Variants in DMD observed in about 807,000 individuals in gnomAD.
DMD encodes mutant dystrophin.
Under a neutral mutation model 330.1 loss-of-function variants are expected in DMD, and 63 were observed. The observed-to-expected ratio is 0.19, with a 90% confidence interval of 0.16 to 0.24. The LOEUF is 0.24. DMD is among the 10% of genes least tolerant of loss of function. The pLI, the probability that DMD is intolerant of heterozygous loss-of-function variation, is 1.00. For missense variants in DMD, 3,344 were observed against 2,684.1 expected, an observed-to-expected ratio of 1.25 and a Z score of -5.43; for synonymous variants, 1,223 against 959.8, an observed-to-expected ratio of 1.27 and a Z score of -5.07.
At chrX:32,790,619 G>A (rs1203115818) in intron 7 of DMD, among the ~76,000 whole-genome samples, 1 of 111,470 alleles carries the variant, frequency 9.0e-6, no homozygotes, top group Non-Finnish European at 1.9e-5. Context: ...ACCCATGGCT[G>A]CAACTGCTGG....
rs189823459 is a variant in DMD, at chrX:31,553,387, G to A, written c.8218-45934C>T. Among the ~76,000 whole-genome samples, 35 of 111,783 alleles carry A rather than the reference G, an allele frequency of 3.1e-4. No individual in the cohort carries two copies. The Admixed American group carries it at 3.2e-3, about 10-fold the overall frequency. On this transcript the variant is annotated intron_variant, in intron 55 of 78. Transcript: ENST00000357033. ...TACCATGCAGTCTTGGGTAGGGCCC[G>A]TTAAAGATGGAAGTAGATAACTATT...
chrX:32,137,313 A>C (rs1490078343), intron 44 of DMD, among the ~76,000 whole-genome samples: 3 of 112,100 alleles, frequency 2.7e-5, no homozygotes, highest in African/African-American at 9.7e-5. Flanking sequence ...GGTCAGAGGA[A>C]TACCTTCAAG....
At position 31,209,558 on chromosome X, in the gene DMD, A is replaced by G; in HGVS notation, c.9503T>C (p.Leu3168Ser). 1 of 1,211,635 alleles carries G rather than the reference A, an allele frequency of 8.3e-7. No individual in the cohort carries two copies. The highest frequency in any genetic ancestry group is 1.1e-6 in the Non-Finnish European group (1 of 895,451). Residue 3168 changes from leucine (L) to serine (S), a missense_variant, in exon 65 of 79, where the codon TTG (leucine) becomes TCG (serine). By Grantham distance (145) the Leu-to-Ser change is moderately radical. Coordinates refer to ENST00000357033, the MANE Select transcript of DMD (RefSeq NM_004006.3). ...ATCCACGCAGAGAGGGACGTTGACC[A>G]AATTGTTGTGCTCTTGCTCCAGGCG... ...YDRLEQEHNN[L>S]VNVPLCVDMC...
intron 44 of DMD, among the ~76,000 whole-genome samples, chrX:32,116,583 G>A (rs2096611793): frequency 8.9e-6 from 1 of 111,869 alleles, no homozygotes; most frequent in Non-Finnish European, 1.9e-5. Flanking sequence ...AAAGCCATTT[G>A]AGGATCAACA....
intron 9 of DMD, among the ~76,000 whole-genome samples, chrX:32,686,093 T>A (rs1179349760): frequency 1.8e-5 from 2 of 111,974 alleles, no homozygotes; most frequent in Non-Finnish European, 3.8e-5. Context: ...GGCTCTGTGT[T>A]AATCTACAAG....
intron 34 of DMD, among the ~76,000 whole-genome samples, chrX:32,369,296 A>T (rs924086891): frequency 3.6e-5 from 4 of 111,607 alleles, no homozygotes; most frequent in African/African-American, 1.3e-4. Flanking sequence ...GAGTATAATG[A>T]GTTAATTTCT....
intron 7 of DMD, among the ~76,000 whole-genome samples, chrX:32,745,949 A>G (rs1360312272): frequency 8.9e-6 from 1 of 112,470 alleles, no homozygotes; most frequent in African/African-American, 3.2e-5. Flanking sequence ...GTAAAAATAA[A>G]GAATAAAGCC....
At chrX:32,009,882 TC>T (rs1454093578) in intron 44 of DMD, among the ~76,000 whole-genome samples, 1 of 112,169 alleles carries the variant, frequency 8.9e-6, no homozygotes, top group Non-Finnish European at 1.9e-5. Flanking sequence ...CATGATAAAA[TC>T]CAGCTCAACT....
At position 33,305,597 on chromosome X, in the gene DMD, A is replaced by T. The variant is rs777493899; in HGVS notation, c.7+33662T>A. 2.3e-4 allele frequency among the ~76,000 whole-genome samples: 22 copies of T among 97,386 alleles called. No homozygotes were observed. In the South Asian group the frequency reaches 9.8e-3, roughly 43 times the overall value. 84.6% of individuals were successfully genotyped at this position (97,386 alleles called of 115,157 possible). On this transcript the variant is annotated intron_variant, in intron 1 of 17. Coordinates refer to the DMD transcript ENST00000288447. Reference sequence around the variant, plus strand: ...ATAAAATTTAAAAAAAATGCCAAATATAACTTCAAAAAAAAAAAAAAGAAA... The same window carrying T: ...ATAAAATTTAAAAAAAATGCCAAATTTAACTTCAAAAAAAAAAAAAAGAAA...
At chrX:32,529,532 T>C (rs1185574240) in intron 17 of DMD, among the ~76,000 whole-genome samples, 1 of 107,205 alleles carries the variant, frequency 9.3e-6, no homozygotes. Context: ...TACCTAGGAT[T>C]AGGCAAAATC....
At chrX:32,426,137 A>G (rs111306311) in intron 29 of DMD, among the ~76,000 whole-genome samples, 3 of 111,967 alleles carry the variant, frequency 2.7e-5, no homozygotes, top group Non-Finnish European at 5.6e-5. Flanking sequence ...AGACCTAATT[A>G]AATTACACAA....
At chrX:32,795,818 A>G (rs1808227091) in intron 7 of DMD, among the ~76,000 whole-genome samples, 3 of 111,906 alleles carry the variant, frequency 2.7e-5, no homozygotes, top group African/African-American at 9.7e-5. Context: ...GTATTTCTCA[A>G]AAGAAGACAA....
At chrX:32,398,430 CA>C (rs2098061853) in intron 30 of DMD, among the ~76,000 whole-genome samples, 1 of 110,419 alleles carries the variant, frequency 9.1e-6, no homozygotes, top group Non-Finnish European at 1.9e-5. Context: ...TGTGGTATAT[CA>C]ACATATTTCT....
At chrX:33,227,691 T>C (rs991358080) in intron 1 of DMD, among the ~76,000 whole-genome samples, 2 of 107,079 alleles carry the variant, frequency 1.9e-5, no homozygotes, top group Non-Finnish European at 3.8e-5. Flanking sequence ...CTGCACATGC[T>C]ATTTTCTCTA....
At chrX:32,625,968 G>GTGA (rs2058320830) in intron 11 of DMD, among the ~76,000 whole-genome samples, 1 of 112,061 alleles carries the variant, frequency 8.9e-6, no homozygotes, top group African/African-American at 3.2e-5. Context: ...AGAACTACCA[G>GTGA]TGATGTTCAA....
chrX:32,721,150 A>G (rs1221696286), intron 7 of DMD, among the ~76,000 whole-genome samples: 1 of 111,008 alleles, frequency 9.0e-6, no homozygotes, highest in Non-Finnish European at 1.9e-5. Context: ...ATTATGAATC[A>G]TAACGCAATG....
chrX:31,388,003 G>GTT (rs1391433449), intron 60 of DMD, among the ~76,000 whole-genome samples: 63 of 98,354 alleles, frequency 6.4e-4, no homozygotes, highest in African/African-American at 2.0e-3. Context: ...TTGTTTTTCG[G>GTT]TTTTTTTTTT....
At chrX:31,483,208 A>G (rs773967817) in intron 57 of DMD, among the ~76,000 whole-genome samples, 157 of 107,275 alleles carry the variant, frequency 1.5e-3, no homozygotes, top group Admixed American at 3.6e-3. Flanking sequence ...CACCACGCCC[A>G]GCTAATTTTT....
chrX:31,749,433 G>A (rs910019613), intron 51 of DMD, among the ~76,000 whole-genome samples: 2 of 103,148 alleles, frequency 1.9e-5, no homozygotes, highest in East Asian at 3.1e-4. Context: ...TGAGAATGAT[G>A]ATTTCCAATT....
Sources: gnomAD v4.1 joint callset for allele counts (sites outside exome capture counted in the v4.1 genomes callset) on GRCh38, gnomAD v4.1.1 for gene constraint, MANE v1.5 for transcripts, NCBI Gene and HGNC (gene_info 2026-07-23, HGNC 2026-07-21) for gene names.